The following RBFOX2 variants were observed in gnomAD, a reference collection of about 807,000 sequenced individuals.
RBFOX2 encodes the protein RNA binding protein fox-1 homolog 2.
Under a neutral mutation model 49.1 loss-of-function variants are expected in RBFOX2, and 10 were observed. The observed-to-expected ratio is 0.20, with a 90% confidence interval of 0.13 to 0.35. The LOEUF is 0.35. Among genes scored for constraint, RBFOX2 ranks in the 10% least tolerant of loss-of-function variants. The pLI, the probability that RBFOX2 is intolerant of heterozygous loss-of-function variation, is 1.00. For synonymous variants in RBFOX2, 183 were observed against 187.4 expected (o/e 0.98, Z 0.19); for missense variants, 323 against 486.9 (o/e 0.66, Z 3.17).
At position 35,762,039 on chromosome 22, in the gene RBFOX2, AG is replaced by A. The variant is rs1307155358; in HGVS notation, c.608-572del. On this transcript the variant is annotated intron_variant, in intron 6 of 11. Transcript: ENST00000405409. Reference sequence around the variant, plus strand: ...TTTACTGGGGTTCACCAACTAAAAAAGGAAAGACATGAAATAGTAAAATTCA... The same window carrying A: ...TTTACTGGGGTTCACCAACTAAAAAAGAAAGACATGAAATAGTAAAATTCA... 2.0e-5 allele frequency among the ~76,000 whole-genome samples: 3 copies of A among 152,356 alleles called. No homozygotes were observed. In the East Asian group the frequency reaches 5.8e-4, roughly 29 times the overall value.
At chr22:35,868,037 C>G (rs1294238504) in intron 1 of RBFOX2, among the ~76,000 whole-genome samples, 1 of 151,942 alleles carries the variant, frequency 6.6e-6, no homozygotes, top group Admixed American at 6.6e-5. Context: ...ATGGCAAAAC[C>G]CTAACTCTAC....
At chr22:35,927,919 A>G (rs2051868231) in intron 1 of RBFOX2, among the ~76,000 whole-genome samples, 1 of 152,220 alleles carries the variant, frequency 6.6e-6, no homozygotes, top group African/African-American at 2.4e-5. Flanking sequence ...CAAATAGTGA[A>G]TAAGAATCAA....
intron 1 of RBFOX2, among the ~76,000 whole-genome samples, chr22:35,907,039 A>G (rs528821512): frequency 5.9e-5 from 9 of 152,310 alleles, no homozygotes; most frequent in African/African-American, 2.2e-4. Context: ...CATGGCAAAG[A>G]CTGGTTGAAA....
At chr22:35,971,803 T>C (rs2056884922) in intron 1 of RBFOX2, among the ~76,000 whole-genome samples, 1 of 151,666 alleles carries the variant, frequency 6.6e-6, no homozygotes. Context: ...GGGGGCCTTC[T>C]TGGTCAGCCC....
intron 1 of RBFOX2, among the ~76,000 whole-genome samples, chr22:35,831,845 T>G (rs1603351816): frequency 6.6e-6 from 1 of 152,204 alleles, no homozygotes; most frequent in Non-Finnish European, 1.5e-5. Context: ...CATTTATAAT[T>G]TCATAAAATA....
chr22:35,872,314 G>A (rs538051056), intron 1 of RBFOX2, among the ~76,000 whole-genome samples: 47 of 152,296 alleles, frequency 3.1e-4, no homozygotes, highest in Admixed American at 1.3e-3. Context: ...AGGGGTGAGA[G>A]TTTACAGCTC....
chr22:35,838,560 C>T (rs568320059), intron 1 of RBFOX2, among the ~76,000 whole-genome samples: 22 of 152,260 alleles, frequency 1.4e-4, no homozygotes, highest in African/African-American at 4.8e-4. Flanking sequence ...GTGGCCTCCA[C>T]GGTGCAACAA....
intron 1 of RBFOX2, among the ~76,000 whole-genome samples, chr22:35,904,485 A>G (rs1367896591): frequency 6.6e-6 from 1 of 152,220 alleles, no homozygotes; most frequent in African/African-American, 2.4e-5. Flanking sequence ...TCCTATAAAT[A>G]AAGTTAGAGT....
At chr22:35,999,308 G>A (rs1285144337) in intron 1 of RBFOX2, 1 of 150,632 alleles carries the variant, frequency 6.6e-6, no homozygotes, top group African/African-American at 2.4e-5. Flanking sequence ...ACTTTGGGAG[G>A]CCAAGGCAGG....
At chr22:35,793,799 C>T (rs1948240122) in intron 2 of RBFOX2, among the ~76,000 whole-genome samples, 1 of 152,190 alleles carries the variant, frequency 6.6e-6, no homozygotes. Context: ...CCTGTTTGGG[C>T]ATTCAAATGT....
chr22:35,913,966 A>AT (rs1361358322), intron 1 of RBFOX2, among the ~76,000 whole-genome samples: 24 of 152,222 alleles, frequency 1.6e-4, no homozygotes, highest in African/African-American at 5.8e-4. Flanking sequence ...TGATGGAGGA[A>AT]TCCCTAAGTC....
chr22:35,743,325 G>C (rs1310713425), exon 12 of RBFOX2: 1 of 152,168 alleles, frequency 6.6e-6, no homozygotes, highest in Non-Finnish European at 1.5e-5. Flanking sequence ...TTATGGACAT[G>C]AGAGCAGGGT....
At chr22:35,904,582 A>G (rs1358790718) in intron 1 of RBFOX2, among the ~76,000 whole-genome samples, 1 of 152,240 alleles carries the variant, frequency 6.6e-6, no homozygotes, top group East Asian at 1.9e-4. Flanking sequence ...CAATGGCTTT[A>G]AAATGCTACA....
chr22:35,993,669 T>C (rs1033882408), intron 1 of RBFOX2: 3 of 152,180 alleles, frequency 2.0e-5, no homozygotes, highest in African/African-American at 7.2e-5. Context: ...AGGGCTAATT[T>C]GTTACACAGC....
chr22:35,811,809 T>C (rs1951923655), intron 1 of RBFOX2, among the ~76,000 whole-genome samples: 1 of 150,684 alleles, frequency 6.6e-6, no homozygotes, highest in Non-Finnish European at 1.5e-5. Context: ...AGAAAAACTT[T>C]AAAAAATTAG....
At chr22:35,870,305 GAGACCA>G (rs1278303211) in intron 1 of RBFOX2, among the ~76,000 whole-genome samples, 1 of 151,956 alleles carries the variant, frequency 6.6e-6, no homozygotes, top group African/African-American at 2.4e-5. Flanking sequence ...TCAGGAGTTT[GAGACCA>G]GCCTGGCCAA....
At chr22:35,944,729 G>A (rs2054080968) in intron 1 of RBFOX2, among the ~76,000 whole-genome samples, 1 of 152,134 alleles carries the variant, frequency 6.6e-6, no homozygotes, top group African/African-American at 2.4e-5. Flanking sequence ...AGTTGGCTAT[G>A]AGCAGAGTGC....
At chr22:35,852,042 A>G (rs2041999471) in intron 1 of RBFOX2, among the ~76,000 whole-genome samples, 1 of 147,590 alleles carries the variant, frequency 6.8e-6, no homozygotes, top group Non-Finnish European at 1.5e-5. Flanking sequence ...AACTGCAAAC[A>G]AAATATTTGT....
intron 1 of RBFOX2, among the ~76,000 whole-genome samples, chr22:35,898,709 G>A (rs1287401116): frequency 6.6e-6 from 1 of 152,018 alleles, no homozygotes; most frequent in Non-Finnish European, 1.5e-5. Context: ...TTACAAGCAT[G>A]AGCCACCATG....
Sources: allele counts gnomAD v4.1 joint callset (sites outside exome capture counted in the v4.1 genomes callset), GRCh38; gene constraint gnomAD v4.1.1; transcripts MANE v1.5; gene names NCBI Gene and HGNC (gene_info 2026-07-23, HGNC 2026-07-21).